Variants in STK32B observed in about 807,000 individuals in gnomAD.
The protein encoded by STK32B is serine/threonine kinase 32B.
STK32B carries 43 observed loss-of-function variants against 52.6 expected under a neutral mutation model. The observed-to-expected ratio is 0.82, with a 90% CI of 0.64 to 1.05. STK32B has a LOEUF of 1.05. Ranked by LOEUF, STK32B falls within the 50% of genes least tolerant of loss-of-function variation. STK32B has a pLI of 0.00. For synonymous variants in STK32B, 238 were observed against 204.3 expected (o/e 1.17, Z -1.41); for missense variants, 621 against 534.6 (o/e 1.16, Z -1.59).
chr4:5,371,934 C>G (rs1424286707), intron 4 of STK32B, among the ~76,000 whole-genome samples: 1 of 152,192 alleles, frequency 6.6e-6, no homozygotes, highest in African/African-American at 2.4e-5. Context: ...GGGCTGAAAG[C>G]ACCTCCATGC....
chr4:5,134,178 AT>A lies in STK32B; in HGVS notation c.53-5720del, dbSNP rs575073106. Among the ~76,000 whole-genome samples the A allele has an allele frequency of 3.3e-5, 5 of 152,266 alleles. No individual in the cohort carries two copies. The East Asian group carries it at 9.6e-4, about 29-fold the overall frequency. On this transcript the variant is annotated intron_variant, in intron 1 of 11. Coordinates refer to ENST00000282908, the MANE Select transcript of STK32B (RefSeq NM_018401.3). ...TTGTGGAAGGGCATCGCAGGCCCAGATTTTTTTGGCAAATCTTCCAATTTCT... is the reference window on the plus strand; with the variant it reads ...TTGTGGAAGGGCATCGCAGGCCCAGATTTTTTGGCAAATCTTCCAATTTCT...
intron 4 of STK32B, among the ~76,000 whole-genome samples, chr4:5,387,443 T>G (rs1736331817): frequency 1.3e-5 from 2 of 152,036 alleles, no homozygotes; most frequent in Non-Finnish European, 2.9e-5. Flanking sequence ...TGCAGTGAGG[T>G]ACAGGGAAAA....
At chr4:5,020,659 A>C in the STK32B span, among the ~76,000 whole-genome samples, 3 of 152,098 alleles carry the variant, frequency 2.0e-5, no homozygotes, top group African/African-American at 7.2e-5. Flanking sequence ...ATGGGTGAGG[A>C]GCAGGACTCT....
chr4:5,299,949 A>C (rs67709557), intron 3 of STK32B, among the ~76,000 whole-genome samples: 20,905 of 152,100 alleles, frequency 0.14, 2,883 homozygotes, highest in African/African-American at 0.36. Context: ...TGAAACTAGT[A>C]TCATTCTGAT....
At chr4:5,115,960 T>C (rs1714692001) in intron 1 of STK32B, among the ~76,000 whole-genome samples, 1 of 152,212 alleles carries the variant, frequency 6.6e-6, no homozygotes, top group Non-Finnish European at 1.5e-5. Context: ...ACCAGGTTTT[T>C]GTAAGAATGT....
At chr4:5,325,746 G>A (rs1731829470) in intron 3 of STK32B, among the ~76,000 whole-genome samples, 2 of 152,126 alleles carry the variant, frequency 1.3e-5, no homozygotes, top group South Asian at 4.1e-4. Flanking sequence ...TTTTCCATAG[G>A]TCAGAGTTAC....
intron 1 of STK32B, among the ~76,000 whole-genome samples, chr4:5,056,209 G>A (rs1218308789): frequency 6.6e-6 from 1 of 152,128 alleles, no homozygotes; most frequent in Non-Finnish European, 1.5e-5. Context: ...ATCTCAGGTG[G>A]AACAGTTTCA....
At chr4:5,136,571 AC>A (rs1577094173) in intron 1 of STK32B, among the ~76,000 whole-genome samples, 1 of 152,190 alleles carries the variant, frequency 6.6e-6, no homozygotes, top group East Asian at 1.9e-4. Context: ...AACTTCCCGT[AC>A]TAAAACCAGG....
At chr4:5,142,557 C>A (rs1716558227) in intron 2 of STK32B, among the ~76,000 whole-genome samples, 1 of 152,200 alleles carries the variant, frequency 6.6e-6, no homozygotes. Flanking sequence ...TTTATGTTGT[C>A]AAGTGAATTG....
At chr4:5,268,980 G>A (rs956374290) in intron 3 of STK32B, among the ~76,000 whole-genome samples, 4 of 152,102 alleles carry the variant, frequency 2.6e-5, no homozygotes, top group Non-Finnish European at 5.9e-5. Flanking sequence ...TTACTGACTT[G>A]AGGGAGTTTT....
chr4:5,295,074 A>G (rs1046291311), intron 3 of STK32B, among the ~76,000 whole-genome samples: 1 of 152,120 alleles, frequency 6.6e-6, no homozygotes, highest in Admixed American at 6.6e-5. Flanking sequence ...GATGGATTAC[A>G]TTTATTGTTT....
In STK32B at chr4:5,181,357, CACACACACACAG is replaced by C. The variant is rs750857711; in HGVS notation, c.260+12909_260+12920del. 4.3e-4 allele frequency among the ~76,000 whole-genome samples: 63 copies of C among 146,214 alleles called. 1 individual carries two copies. In the East Asian group the frequency reaches 5.9e-3, roughly 14 times the overall value. On this transcript the variant is annotated intron_variant, in intron 3 of 11. Transcript: ENST00000282908. ...ACACACACACACACACACACACACA[CACACACACACAG>C]AGATCTCATTAAGGATGCAGCAAGA... is the stretch of plus-strand genomic sequence containing the variant.
chr4:5,248,332 C>A, intron 3 of STK32B, among the ~76,000 whole-genome samples: 1 of 152,184 alleles, frequency 6.6e-6, no homozygotes, highest in South Asian at 2.1e-4. Context: ...AGTAATGCCC[C>A]AAGGATAGCT....
chr4:5,346,031 G>A (rs973456815), intron 4 of STK32B, among the ~76,000 whole-genome samples: 8 of 152,262 alleles, frequency 5.3e-5, no homozygotes, highest in African/African-American at 1.9e-4. Context: ...TGGGTGTATG[G>A]TTGTTATTTT....
intron 3 of STK32B, among the ~76,000 whole-genome samples, chr4:5,268,638 G>A (rs73797171): frequency 0.05 from 7,535 of 149,942 alleles, 259 homozygotes; most frequent in African/African-American, 0.099. Flanking sequence ...CTTTATGCTG[G>A]TTGGCTGCCA....
At chr4:5,183,477 CAA>C (rs199998898) in intron 3 of STK32B, among the ~76,000 whole-genome samples, 73 of 109,544 alleles carry the variant, frequency 6.7e-4, no homozygotes, top group East Asian at 4.2e-3. Context: ...AACTCCATCT[CAA>C]AAAAAAAAAA....
At chr4:5,391,473 G>T (rs927752200) in intron 4 of STK32B, among the ~76,000 whole-genome samples, 6 of 152,200 alleles carry the variant, frequency 3.9e-5, no homozygotes, top group African/African-American at 1.2e-4. Context: ...TACCTGGGTA[G>T]ACATGAATTT....
chr4:5,034,937 C>T, the STK32B span, among the ~76,000 whole-genome samples: 4 of 152,198 alleles, frequency 2.6e-5, no homozygotes, highest in South Asian at 2.1e-4. Context: ...TGGCCATCAA[C>T]GACTTCCTTT....
chr4:5,430,454 G>A (rs1188311409), intron 6 of STK32B, among the ~76,000 whole-genome samples: 1 of 152,038 alleles, frequency 6.6e-6, no homozygotes. Context: ...TGAAATCCCC[G>A]TCTGTTAACG....
Sources: gnomAD v4.1 joint callset for allele counts (sites outside exome capture counted in the v4.1 genomes callset) on GRCh38, gnomAD v4.1.1 for gene constraint, MANE v1.5 for transcripts, NCBI Gene and HGNC (gene_info 2026-07-23, HGNC 2026-07-21) for gene names.